Variants in SLC39A11 observed in about 807,000 individuals in gnomAD.
SLC39A11 encodes solute carrier family 39 member 11, also known as zinc transporter ZIP11.
Under a neutral mutation model 36.1 loss-of-function variants are expected in SLC39A11, and 33 were observed. That is an observed-to-expected ratio of 0.91 (90% CI 0.69 to 1.22). SLC39A11 has a LOEUF of 1.22. SLC39A11 is among the 50% of genes most tolerant of loss of function. SLC39A11 has a pLI of 0.00. For missense variants in SLC39A11, 432 were observed against 430.3 expected (o/e 1.00, Z -0.03); for synonymous variants, 166 against 170.3 (o/e 0.97, Z 0.20).
At position 72,760,073 on chromosome 17, in the gene SLC39A11, C is replaced by G. The variant is rs536153492; in HGVS notation, c.602-23354G>C. On this transcript the variant is annotated intron_variant, in intron 6 of 9. Transcript: ENST00000255559. ...ACAGGGTCTCACTCTGTCACCAAAGCTGGAGTGCAGTGGTGCAATCTCGGC... is the reference window on the plus strand; with the variant it reads ...ACAGGGTCTCACTCTGTCACCAAAGGTGGAGTGCAGTGGTGCAATCTCGGC... Among the ~76,000 whole-genome samples the G allele has an allele frequency of 2.0e-4, 30 of 152,328 alleles. No homozygotes were observed. The South Asian group carries it at 5.6e-3, about 28-fold the overall frequency.
intron 7 of SLC39A11, among the ~76,000 whole-genome samples, chr17:72,720,251 G>C (rs180958884): frequency 1.4e-3 from 217 of 152,332 alleles, no homozygotes; most frequent in African/African-American, 4.6e-3. Context: ...GCTGTGATAA[G>C]ATGACGAAGT....
At chr17:72,805,751 T>C (rs375688059) in intron 6 of SLC39A11, among the ~76,000 whole-genome samples, 2 of 151,012 alleles carry the variant, frequency 1.3e-5, no homozygotes, top group African/African-American at 2.5e-5. Context: ...TTTTTCTTTT[T>C]CTTTTTTTTT....
At position 72,843,238 on chromosome 17, in the gene SLC39A11, C is replaced by T. The variant is rs116239910; in HGVS notation, c.601+6396G>A. On this transcript the variant is annotated intron_variant, in intron 6 of 9. Transcript: ENST00000255559. The stretch of plus-strand genomic sequence containing the variant: ...GCTGGGATTACAGGCCGTGAGCCAC[C>T]GCGCCCGGCCTGGGGAGGGGTTCTT... Among the ~76,000 whole-genome samples, 504 of 152,258 alleles carry T rather than the reference C, an allele frequency of 3.3e-3. 1 individual carries two copies. The highest frequency in any genetic ancestry group is 0.012 in the African/African-American group (488 of 41,548).
At chr17:72,924,221 C>G (rs2083894430) in intron 5 of SLC39A11, among the ~76,000 whole-genome samples, 1 of 139,762 alleles carries the variant, frequency 7.2e-6, no homozygotes, top group African/African-American at 2.7e-5. Context: ...ACAGACAAAA[C>G]TAAGGGCACG....
chr17:72,732,716 G>A (rs974518768), intron 7 of SLC39A11, among the ~76,000 whole-genome samples: 17 of 152,318 alleles, frequency 1.1e-4, no homozygotes, highest in Middle Eastern at 3.4e-3. Flanking sequence ...TTGCCCCCAG[G>A]CATCTGGTGT....
chr17:72,756,179 G>A (rs913969477), intron 6 of SLC39A11, among the ~76,000 whole-genome samples: 6 of 152,234 alleles, frequency 3.9e-5, no homozygotes, highest in Non-Finnish European at 8.8e-5. Flanking sequence ...ACCATATGGT[G>A]ATAGCAGTTG....
chr17:72,877,029 A>G (rs953104152), intron 5 of SLC39A11, among the ~76,000 whole-genome samples: 3 of 152,208 alleles, frequency 2.0e-5, no homozygotes, highest in African/African-American at 7.2e-5. Flanking sequence ...GTAGGCTAAG[A>G]AAAAATGCAT....
chr17:72,949,761 C>T (rs2085727763), intron 4 of SLC39A11, among the ~76,000 whole-genome samples: 1 of 151,908 alleles, frequency 6.6e-6, no homozygotes. Context: ...CAGGCCACAG[C>T]ACCAAGCAGA....
chr17:72,748,983 A>G (rs6501562), intron 6 of SLC39A11, among the ~76,000 whole-genome samples: 147,444 of 152,308 alleles, frequency 0.97, 71,734 homozygotes, highest in African/African-American at 0.99. Context: ...CTGAGCACAC[A>G]CAGTTGTTGG....
Position 73,031,684 on chromosome 17 carries a change from G to C in SLC39A11, c.178C>G (p.Leu60Val). The C allele has an allele frequency of 6.2e-7, 1 of 1,614,046 alleles. No homozygotes were observed. Among genetic ancestry groups the C allele is most frequent in the Non-Finnish European group, 8.5e-7 (1 of 1,180,026 alleles). Reference sequence around the variant, plus strand: ...GTGGCCATCTCAACTGCTGGGGCCAGAAGAGACCAATAGGAAGCTGCCAAC... The same window carrying C: ...GTGGCCATCTCAACTGCTGGGGCCACAAGAGACCAATAGGAAGCTGCCAAC... ...VMLAASYWSL[L>V]APAVEMATSS... The change falls in exon 4 of 10, where the codon CTG becomes GTG. Residue 60 changes from leucine to valine, a missense_variant. Physicochemically the swap from Leu to Val is conservative, Grantham distance 32 (BLOSUM62 1). Coordinates refer to ENST00000255559, the MANE Select transcript of SLC39A11 (RefSeq NM_139177.4).
intron 6 of SLC39A11, among the ~76,000 whole-genome samples, chr17:72,789,177 C>T (rs117609346): frequency 3.7e-3 from 567 of 152,150 alleles, no homozygotes; most frequent in Middle Eastern, 0.01. Flanking sequence ...TGAGACTACA[C>T]GCGCACGCCA....
At chr17:73,004,227 G>GAAAGAAAGAAAGAAAGAAAGAAAGA (rs1555674238) in intron 4 of SLC39A11, among the ~76,000 whole-genome samples, 6 of 92,502 alleles carry the variant, frequency 6.5e-5, no homozygotes, top group African/African-American at 2.5e-4. Context: ...AAGAAAGAAA[G>GAAAGAAAGAAAGAAAGAAAGAAAGA]AAAGAAAAGA....
intron 5 of SLC39A11, among the ~76,000 whole-genome samples, chr17:72,899,280 G>A (rs2082193445): frequency 6.6e-6 from 1 of 151,598 alleles, no homozygotes; most frequent in Non-Finnish European, 1.5e-5. Flanking sequence ...TGCTGGGGTG[G>A]AAATACAGGG....
At chr17:73,027,121 C>A (rs1023650713) in intron 4 of SLC39A11, among the ~76,000 whole-genome samples, 5 of 152,124 alleles carry the variant, frequency 3.3e-5, no homozygotes, top group African/African-American at 1.2e-4. Flanking sequence ...GACCCTGTCT[C>A]AAATAATAAC....
At chr17:72,921,021 G>T (rs1158144597) in intron 5 of SLC39A11, among the ~76,000 whole-genome samples, 1 of 152,158 alleles carries the variant, frequency 6.6e-6, no homozygotes, top group African/African-American at 2.4e-5. Context: ...TATGAGAGGG[G>T]ACTTTCATTT....
intron 5 of SLC39A11, among the ~76,000 whole-genome samples, chr17:72,914,597 T>A (rs901779514): frequency 1.3e-5 from 2 of 151,880 alleles, no homozygotes; most frequent in African/African-American, 4.8e-5. Flanking sequence ...AAACGTTGAA[T>A]AGGCCGGGTG....
At chr17:72,711,233 T>A (rs11650398) in intron 7 of SLC39A11, among the ~76,000 whole-genome samples, 5,430 of 152,284 alleles carry the variant, frequency 0.036, 142 homozygotes, top group Non-Finnish European at 0.055. Flanking sequence ...GCTGGACACA[T>A]GGTTGCATGG....
intron 9 of SLC39A11, among the ~76,000 whole-genome samples, chr17:72,647,935 C>A (rs1461451417): frequency 6.6e-6 from 1 of 152,142 alleles, no homozygotes; most frequent in Non-Finnish European, 1.5e-5. Flanking sequence ...CACCTATGAT[C>A]GTTCTGTGGT....
intron 2 of SLC39A11, among the ~76,000 whole-genome samples, chr17:73,088,305 G>A (rs113979783): frequency 0.35 from 50,718 of 144,794 alleles, 9,026 homozygotes; most frequent in South Asian, 0.41. Context: ...AAAAAAAAAA[G>A]AAAAAAGAAA....
Sources: allele counts gnomAD v4.1 joint callset (sites outside exome capture counted in the v4.1 genomes callset), GRCh38; gene constraint gnomAD v4.1.1; transcripts MANE v1.5; gene names NCBI Gene and HGNC (gene_info 2026-07-23, HGNC 2026-07-21).